PGBD2: variants seen among roughly 807,000 people sequenced by gnomAD.
PGBD2 encodes the protein piggyBac transposable element-derived protein 2.
In PGBD2, 6 loss-of-function variants were observed where a neutral mutation model predicts 8.1. That is an observed-to-expected ratio of 0.74 (90% CI 0.40 to 1.46). PGBD2 has a LOEUF of 1.46. Among genes scored for constraint, PGBD2 ranks in the 40% most tolerant of loss-of-function variants. PGBD2 has a pLI of 0.02. For missense variants in PGBD2, 802 were observed against 739.0 expected (o/e 1.09, Z -0.99); for synonymous variants, 318 against 272.2 (o/e 1.17, Z -1.66).
the PGBD2 span, among the ~76,000 whole-genome samples, chr1:248,929,396 T>G: frequency 6.6e-6 from 1 of 152,198 alleles, no homozygotes; most frequent in Admixed American, 6.5e-5. Flanking sequence ...GCCAAGGCTG[T>G]CATCTCAGGC....
At chr1:248,882,995 G>A in the PGBD2 span, among the ~76,000 whole-genome samples, 1 of 152,142 alleles carries the variant, frequency 6.6e-6, no homozygotes, top group Non-Finnish European at 1.5e-5. Flanking sequence ...TTAAAAAAAT[G>A]GTATGTATGT....
At chr1:248,926,252 G>T in the PGBD2 span, among the ~76,000 whole-genome samples, 4 of 152,024 alleles carry the variant, frequency 2.6e-5, no homozygotes, top group Admixed American at 2.0e-4. Context: ...GAATATCTAG[G>T]TGTAAAGCTC....
chr1:248,874,010 C>T, the PGBD2 span, among the ~76,000 whole-genome samples: 1 of 152,120 alleles, frequency 6.6e-6, no homozygotes, highest in Non-Finnish European at 1.5e-5. Flanking sequence ...CAGAATTTTC[C>T]CGGAGTCCGT....
At chr1:248,928,827 T>G in the PGBD2 span, among the ~76,000 whole-genome samples, 1 of 152,226 alleles carries the variant, frequency 6.6e-6, no homozygotes, top group African/African-American at 2.4e-5. Context: ...TTTTCGCACC[T>G]TAAATCTGTG....
upstream of PGBD2, among the ~76,000 whole-genome samples, chr1:248,902,997 G>A (rs1311432369): frequency 2.0e-5 from 3 of 152,106 alleles, no homozygotes; most frequent in South Asian, 2.1e-4. Context: ...CCCTGCACAC[G>A]TACCCCTGAA....
chr1:248,882,274 A>G, the PGBD2 span, among the ~76,000 whole-genome samples: 4 of 152,176 alleles, frequency 2.6e-5, no homozygotes, highest in East Asian at 7.7e-4. Context: ...ATTTAGGGTC[A>G]TTTGATTATG....
chr1:248,910,127 C>T (rs1263476225), intron 1 of PGBD2, among the ~76,000 whole-genome samples: 20 of 152,174 alleles, frequency 1.3e-4, no homozygotes, highest in Non-Finnish European at 5.9e-5. Flanking sequence ...CTGGCTGGAC[C>T]TGGGGAAGAA....
the PGBD2 span, among the ~76,000 whole-genome samples, chr1:248,886,904 C>T: frequency 2.0e-5 from 3 of 152,154 alleles, no homozygotes; most frequent in South Asian, 2.1e-4. Context: ...TTCCAAAGAG[C>T]AAGCTAATTA....
Position 248,916,610 on chromosome 1 carries a change from T to C in PGBD2, c.26T>C (p.Ile9Thr), listed in dbSNP as rs1418874992. MASTSRDV[I>T]AGRGIHSKVK... ...GTTTCCTGTCATAACAGAGATGTCATTGCTGGGAGAGGTATCCACTCAAAG... is the reference window on the plus strand; with the variant it reads ...GTTTCCTGTCATAACAGAGATGTCACTGCTGGGAGAGGTATCCACTCAAAG... The change falls in exon 3 of 3, where the codon ATT becomes ACT. Residue 9 changes from isoleucine to threonine, a missense_variant. Transcript: ENST00000329291. 19 of 1,613,740 alleles carry C rather than the reference T, an allele frequency of 1.2e-5. No homozygotes were observed. Among genetic ancestry groups the C allele is most frequent in the Non-Finnish European group, 1.6e-5 (19 of 1,179,808 alleles).
upstream of PGBD2, among the ~76,000 whole-genome samples, chr1:248,901,236 AT>A (rs572625423): frequency 2.0e-5 from 3 of 152,186 alleles, no homozygotes; most frequent in Admixed American, 6.5e-5. Context: ...AAATAAAAAA[AT>A]ATATTTTAAA....
intron 1 of PGBD2, chr1:248,912,603 A>G (rs754501871): frequency 3.9e-5 from 6 of 152,188 alleles, no homozygotes; most frequent in Non-Finnish European, 7.3e-5. Flanking sequence ...CAGAAAATAC[A>G]GAGAAAAATA....
chr1:248,911,570 C>T (rs1174537806), intron 1 of PGBD2, among the ~76,000 whole-genome samples: 1 of 145,310 alleles, frequency 6.9e-6, no homozygotes, highest in African/African-American at 2.8e-5. Flanking sequence ...CCCCACCTTT[C>T]CCCCTTTTCT....
At position 248,910,377 on chromosome 1, in the gene PGBD2, A is replaced by G. The variant is rs567568637; in HGVS notation, c.-47-3439A>G. 2.9e-3 allele frequency among the ~76,000 whole-genome samples: 444 copies of G among 152,308 alleles called. 1 individual carries two copies. Among genetic ancestry groups the G allele is most frequent in the Non-Finnish European group, 5.3e-3 (363 of 68,024 alleles). ...TTTTGAACCTGAAATTATAGTTAAC[A>G]CTTGGGAATCCAGGCCTGTTGTGTC... On this transcript the variant is annotated intron_variant, in intron 1 of 2. Transcript: ENST00000329291.
At chr1:248,879,214 C>G in the PGBD2 span, among the ~76,000 whole-genome samples, 1 of 152,220 alleles carries the variant, frequency 6.6e-6, no homozygotes, top group African/African-American at 2.4e-5. Flanking sequence ...ACTGGGGGTA[C>G]TTGGGGTATC....
chr1:248,891,229 C>G, the PGBD2 span, among the ~76,000 whole-genome samples: 1 of 152,180 alleles, frequency 6.6e-6, no homozygotes, highest in Non-Finnish European at 1.5e-5. Flanking sequence ...TAATGGTTCT[C>G]TCAAGGTGGG....
chr1:248,886,388 G>A, the PGBD2 span, among the ~76,000 whole-genome samples: 1 of 152,226 alleles, frequency 6.6e-6, no homozygotes, highest in Non-Finnish European at 1.5e-5. Flanking sequence ...GCTGAGAAGT[G>A]AGGATGACTG....
the PGBD2 span, among the ~76,000 whole-genome samples, chr1:248,874,303 G>GT: frequency 6.6e-5 from 10 of 152,178 alleles, no homozygotes; most frequent in African/African-American, 9.6e-5. Context: ...GCCCGGGTTC[G>GT]ATTCCCGGTC....
At chr1:248,903,452 G>A (rs1035295351), upstream of PGBD2, among the ~76,000 whole-genome samples, 16 of 152,180 alleles carry the variant, frequency 1.1e-4, no homozygotes, top group African/African-American at 3.6e-4. Context: ...GGCTTCCAAA[G>A]TGCTGGGATT....
At chr1:248,915,570 C>G (rs1488662261) in intron 2 of PGBD2, among the ~76,000 whole-genome samples, 1 of 152,184 alleles carries the variant, frequency 6.6e-6, no homozygotes, top group Non-Finnish European at 1.5e-5. Context: ...TGACTTATGA[C>G]ATTTTTAACT....
Sources: gnomAD v4.1 joint callset for allele counts (sites outside exome capture counted in the v4.1 genomes callset) on GRCh38, gnomAD v4.1.1 for gene constraint, MANE v1.5 for transcripts, NCBI Gene and HGNC (gene_info 2026-07-23, HGNC 2026-07-21) for gene names.